SLC41A2: variants seen among roughly 807,000 people sequenced by gnomAD.
SLC41A2 encodes solute carrier family 41 member 2, also known as SLC41A1-like 1.
In SLC41A2, 32 loss-of-function variants were observed where a neutral mutation model predicts 58.3. The observed-to-expected ratio is 0.55, with a 90% CI of 0.41 to 0.74. SLC41A2 has a LOEUF of 0.74. Among genes scored for constraint, SLC41A2 ranks in the 30% least tolerant of loss-of-function variants. The probability of loss-of-function intolerance (pLI) is 0.00; values close to 1 mark genes in which losing one functional copy is unlikely to be tolerated. For missense variants in SLC41A2, 514 were observed against 680.6 expected (o/e 0.76, Z 2.72); for synonymous variants, 190 against 235.0 (o/e 0.81, Z 1.75).
intron 6 of SLC41A2, among the ~76,000 whole-genome samples, chr12:104,878,762 G>A (rs557955072): frequency 1.3e-5 from 2 of 152,236 alleles, no homozygotes; most frequent in African/African-American, 4.8e-5. Flanking sequence ...GAAAAGCGCT[G>A]CAATAAACAT....
intron 4 of SLC41A2, among the ~76,000 whole-genome samples, chr12:104,894,030 A>C (rs1179536350): frequency 6.6e-6 from 1 of 152,178 alleles, no homozygotes; most frequent in African/African-American, 2.4e-5. Context: ...CAGAGGATAA[A>C]TGCTGGGGGG....
At chr12:104,806,609 T>C (rs1287565688) in intron 10 of SLC41A2, among the ~76,000 whole-genome samples, 1 of 151,720 alleles carries the variant, frequency 6.6e-6, no homozygotes, top group Non-Finnish European at 1.5e-5. Context: ...CAAATGGTAT[T>C]TCTAGTTCTA....
chr12:104,919,270 C>T (rs981043357), intron 2 of SLC41A2, among the ~76,000 whole-genome samples: 9 of 152,304 alleles, frequency 5.9e-5, no homozygotes, highest in African/African-American at 1.9e-4. Flanking sequence ...CGGTTGTATC[C>T]AGTTCTTAGC....
intron 9 of SLC41A2, 99 bp from the exon 10 acceptor site, chr12:104,844,719 A>G (rs1173604173): frequency 1.2e-5 from 6 of 491,402 alleles, no homozygotes; most frequent in Non-Finnish European, 2.0e-5. Flanking sequence ...TAGTTACTAT[A>G]CTTCATACTA....
chr12:104,837,215 T>C lies in SLC41A2; in HGVS notation c.1536+7257A>G, dbSNP rs149950605. On this transcript the variant is annotated intron_variant, in intron 10 of 10. Coordinates refer to ENST00000258538, the MANE Select transcript of SLC41A2 (RefSeq NM_001352171.3). Reference sequence around the variant, plus strand: ...CTTATTCCTAGTCCAGGAGTCTTCCTATTAGACTGCATGGACTCACCAGTA... The same window carrying C: ...CTTATTCCTAGTCCAGGAGTCTTCCCATTAGACTGCATGGACTCACCAGTA... 4.3e-3 allele frequency among the ~76,000 whole-genome samples: 658 copies of C among 152,298 alleles called. 5 individuals carry two copies. Among genetic ancestry groups the C allele is most frequent in the Non-Finnish European group, 7.2e-3 (493 of 68,020 alleles).
At chr12:104,839,799 G>A (rs2042344866) in intron 10 of SLC41A2, among the ~76,000 whole-genome samples, 1 of 152,204 alleles carries the variant, frequency 6.6e-6, no homozygotes, top group Non-Finnish European at 1.5e-5. Flanking sequence ...CACTGCGCCC[G>A]GCCTCTGCTT....
intron 6 of SLC41A2, among the ~76,000 whole-genome samples, chr12:104,879,403 G>C (rs930347553): frequency 6.6e-6 from 1 of 152,272 alleles, no homozygotes; most frequent in African/African-American, 2.4e-5. Flanking sequence ...GTCCCGAATG[G>C]TATTGCCTAG....
Position 104,845,988 on chromosome 12 carries a change from A to G in SLC41A2, c.1256-14T>C. On this transcript the variant is annotated splice_polypyrimidine_tract_variant and intron_variant, in intron 8 of 10. Coordinates refer to ENST00000258538, the MANE Select transcript of SLC41A2 (RefSeq NM_001352171.3). ...TACCACCAATACCTGAAACACAAGGAAAAACAAAGTAGCAATCCTCATATT... is the reference window on the plus strand; with the variant it reads ...TACCACCAATACCTGAAACACAAGGGAAAACAAAGTAGCAATCCTCATATT... The G allele has an allele frequency of 6.2e-7, 1 of 1,609,712 alleles. No individual in the cohort carries two copies. The highest frequency in any genetic ancestry group is 8.5e-7 in the Non-Finnish European group (1 of 1,177,700).
intron 1 of SLC41A2, among the ~76,000 whole-genome samples, chr12:104,930,179 T>G (rs1177413597): frequency 6.6e-6 from 1 of 151,790 alleles, no homozygotes; most frequent in Non-Finnish European, 1.5e-5. Context: ...ATGTGATGAT[T>G]ATGGTGCAGA....
chr12:104,893,143 A>G (rs2045101047), intron 4 of SLC41A2, among the ~76,000 whole-genome samples: 1 of 152,228 alleles, frequency 6.6e-6, no homozygotes, highest in Admixed American at 6.5e-5. Flanking sequence ...AGGAGCTTAA[A>G]CAAATCTATA....
At chr12:104,898,518 T>TA (rs1400198204) in intron 3 of SLC41A2, among the ~76,000 whole-genome samples, 5 of 147,150 alleles carry the variant, frequency 3.4e-5, no homozygotes, top group Admixed American at 6.8e-5. Context: ...TGCATTATTT[T>TA]AAAAAACATG....
intron 10 of SLC41A2, among the ~76,000 whole-genome samples, chr12:104,827,517 G>C (rs941040513): frequency 6.6e-6 from 1 of 152,076 alleles, no homozygotes; most frequent in Admixed American, 6.5e-5. Flanking sequence ...CTTTCACCAG[G>C]GTGATACAAT....
chr12:104,879,075 A>G (rs2044219341), intron 6 of SLC41A2, among the ~76,000 whole-genome samples: 1 of 152,098 alleles, frequency 6.6e-6, no homozygotes, highest in East Asian at 1.9e-4. Context: ...GATGATGAGC[A>G]TTTTTCATGT....
chr12:104,926,882 T>C (rs886632725), intron 2 of SLC41A2, among the ~76,000 whole-genome samples: 7 of 152,012 alleles, frequency 4.6e-5, no homozygotes, highest in Admixed American at 1.3e-4. Context: ...GCCCAGGAGT[T>C]TGAGACCCGC....
intron 6 of SLC41A2, among the ~76,000 whole-genome samples, chr12:104,874,302 C>CTGA (rs1432730273): frequency 6.6e-6 from 1 of 152,098 alleles, no homozygotes; most frequent in East Asian, 1.9e-4. Flanking sequence ...TCTCCATCTC[C>CTGA]TGACCTCGTG....
intron 6 of SLC41A2, among the ~76,000 whole-genome samples, chr12:104,874,322 C>T (rs2043942857): frequency 6.6e-6 from 1 of 152,096 alleles, no homozygotes; most frequent in Non-Finnish European, 1.5e-5. Context: ...GATCCACCCG[C>T]CTCGGCCTCC....
intron 1 of SLC41A2, among the ~76,000 whole-genome samples, chr12:104,931,950 G>C (rs939181370): frequency 2.6e-5 from 4 of 152,166 alleles, no homozygotes; most frequent in African/African-American, 9.7e-5. Flanking sequence ...TGGTGTTTCT[G>C]TCCTAACAGC....
At chr12:104,929,223 T>C (rs2046965808) in intron 1 of SLC41A2, among the ~76,000 whole-genome samples, 1 of 152,184 alleles carries the variant, frequency 6.6e-6, no homozygotes, top group East Asian at 1.9e-4. Context: ...AAACACTTGG[T>C]AGGTATCCTG....
chr12:104,824,881 G>A (rs1014394014), intron 10 of SLC41A2, among the ~76,000 whole-genome samples: 1 of 152,164 alleles, frequency 6.6e-6, no homozygotes, highest in African/African-American at 2.4e-5. Context: ...CAGGATTGTG[G>A]AAGGTGTGAG....
Sources: allele counts gnomAD v4.1 joint callset (sites outside exome capture counted in the v4.1 genomes callset), GRCh38; gene constraint gnomAD v4.1.1; transcripts MANE v1.5; gene names NCBI Gene and HGNC (gene_info 2026-07-23, HGNC 2026-07-21).